The following CLDN10 variants were observed in gnomAD, a reference collection of about 807,000 sequenced individuals.
CLDN10 encodes claudin-10.
A neutral mutation model predicts 22.9 loss-of-function variants in CLDN10; 15 were observed. That is an observed-to-expected ratio of 0.65 (90% confidence interval 0.44 to 1.01). CLDN10 has a LOEUF of 1.01. Ranked by LOEUF, CLDN10 falls within the 50% of genes least tolerant of loss-of-function variation. CLDN10 has a pLI of 0.00. For missense variants in CLDN10, 247 were observed against 287.8 expected (o/e 0.86, Z 1.03); for synonymous variants, 114 against 111.4 (o/e 1.02, Z -0.15).
At chr13:95,563,965 T>C (rs895892733) in intron 3 of CLDN10, among the ~76,000 whole-genome samples, 1 of 152,268 alleles carries the variant, frequency 6.6e-6, no homozygotes, top group African/African-American at 2.4e-5. Flanking sequence ...TTATTTTGGC[T>C]TATTCTAGGG....
chr13:95,551,321 C>T (rs1375583073), upstream of CLDN10, among the ~76,000 whole-genome samples: 1 of 152,180 alleles, frequency 6.6e-6, no homozygotes, highest in Non-Finnish European at 1.5e-5. Flanking sequence ...GATACGTTGC[C>T]ATGCACTGAA....
intron 1 of CLDN10, among the ~76,000 whole-genome samples, chr13:95,526,487 C>G (rs768018251): frequency 6.6e-6 from 1 of 152,190 alleles, no homozygotes; most frequent in Non-Finnish European, 1.5e-5. Flanking sequence ...TGTCCATTCT[C>G]TAGAGATGGA....
chr13:95,498,992 A>C (rs1345917840), intron 1 of CLDN10, among the ~76,000 whole-genome samples: 1 of 152,176 alleles, frequency 6.6e-6, no homozygotes, highest in Non-Finnish European at 1.5e-5. Context: ...TCCTTTTGTG[A>C]CTGGCTTTTC....
chr13:95,450,038 G>A (rs1484672403), intron 1 of CLDN10, among the ~76,000 whole-genome samples: 4 of 152,156 alleles, frequency 2.6e-5, no homozygotes, highest in South Asian at 2.1e-4. Context: ...CACCACGCCC[G>A]GCCTTAAAAT....
intron 1 of CLDN10, among the ~76,000 whole-genome samples, chr13:95,485,176 G>C (rs2042792842): frequency 6.6e-6 from 1 of 152,084 alleles, no homozygotes; most frequent in Non-Finnish European, 1.5e-5. Context: ...AGGCTTTGTA[G>C]TAACAAGAGG....
chr13:95,551,257 G>A (rs1340552190), upstream of CLDN10, among the ~76,000 whole-genome samples: 1 of 152,138 alleles, frequency 6.6e-6, no homozygotes, highest in African/African-American at 2.4e-5. Flanking sequence ...GGGCTCAATA[G>A]GAAGAAAAGC....
Position 95,535,860 on chromosome 13 carries a change from G to A in CLDN10, c.215-24272G>A, listed in dbSNP as rs565496370. On this transcript the variant is annotated intron_variant, in intron 1 of 4. Coordinates refer to the CLDN10 transcript ENST00000376873. Reference sequence around the variant, plus strand: ...AGGCAAGAATGGGGCTATGGAAGCCGAAAGAATAAAGTATTTCACAAAGAA... The same window carrying A: ...AGGCAAGAATGGGGCTATGGAAGCCAAAAGAATAAAGTATTTCACAAAGAA... Among the ~76,000 whole-genome samples, 20 of 152,270 alleles carry A rather than the reference G, an allele frequency of 1.3e-4. 1 individual carries two copies. The highest frequency in any genetic ancestry group is 5.8e-4 in the East Asian group (3 of 5,170).
chr13:95,532,792 C>CAAAAAAAAAAAAAAAAAAAAAAAAAAAAA (rs57500288), intron 1 of CLDN10, among the ~76,000 whole-genome samples: 1 of 62,022 alleles, frequency 1.6e-5, no homozygotes, highest in Non-Finnish European at 2.8e-5. Flanking sequence ...CTCAATTCAG[C>CAAAAAAAAAAAAAAAAAAAAAAAAAAAAA]AAAAAAAAAA....
intron 1 of CLDN10, among the ~76,000 whole-genome samples, chr13:95,446,995 A>G (rs1245626630): frequency 2.6e-5 from 4 of 152,142 alleles, no homozygotes; most frequent in Non-Finnish European, 5.9e-5. Context: ...CACAGAGCCG[A>G]GTGATGGCGG....
At chr13:95,467,084 A>G (rs1232270866) in intron 1 of CLDN10, among the ~76,000 whole-genome samples, 2 of 149,874 alleles carry the variant, frequency 1.3e-5, no homozygotes, top group African/African-American at 2.5e-5. Context: ...TCACCATGTT[A>G]GCCAGGATGG....
chr13:95,551,926 T>A (rs994977723), upstream of CLDN10, among the ~76,000 whole-genome samples: 3 of 152,182 alleles, frequency 2.0e-5, no homozygotes, highest in African/African-American at 7.2e-5. Flanking sequence ...TTGACTGGGA[T>A]AACAGCATCC....
intron 3 of CLDN10, among the ~76,000 whole-genome samples, chr13:95,563,132 C>CTCTCTCTCTCTCTG (rs1359208916): frequency 6.3e-5 from 9 of 142,158 alleles, no homozygotes; most frequent in African/African-American, 2.1e-4. Flanking sequence ...CTCTCTCTCT[C>CTCTCTCTCTCTCTG]TCTGTCTGTA....
chr13:95,442,496 G>A (rs968783398), intron 1 of CLDN10, among the ~76,000 whole-genome samples: 7 of 152,198 alleles, frequency 4.6e-5, no homozygotes, highest in Non-Finnish European at 8.8e-5. Context: ...TATAAGGCAA[G>A]ACCACCTTGC....
At chr13:95,501,225 G>A (rs555329083) in intron 1 of CLDN10, among the ~76,000 whole-genome samples, 14 of 152,184 alleles carry the variant, frequency 9.2e-5, no homozygotes, top group Admixed American at 2.6e-4. Context: ...TGTGGATCAG[G>A]CTGTTCTTGA....
intron 1 of CLDN10, 126 bp from the exon 2 acceptor site, chr13:95,560,006 C>T: frequency 1.1e-6 from 1 of 901,476 alleles, no homozygotes; most frequent in Non-Finnish European, 1.7e-6. Context: ...CTTGTCTTGC[C>T]ACATGTTTTC....
At chr13:95,569,829 T>C (rs2043832231) in intron 3 of CLDN10, among the ~76,000 whole-genome samples, 1 of 151,826 alleles carries the variant, frequency 6.6e-6, no homozygotes, top group Non-Finnish European at 1.5e-5. Flanking sequence ...AGTGCAGTGG[T>C]GAGATCTCGG....
intron 1 of CLDN10, among the ~76,000 whole-genome samples, chr13:95,543,169 T>C (rs1440887912): frequency 6.6e-6 from 1 of 152,112 alleles, no homozygotes. Context: ...GAGGCAGAGG[T>C]TACGGTGAGT....
At chr13:95,532,175 T>A (rs1443106993) in intron 1 of CLDN10, among the ~76,000 whole-genome samples, 1 of 152,136 alleles carries the variant, frequency 6.6e-6, no homozygotes, top group Non-Finnish European at 1.5e-5. Context: ...TTAGACATCA[T>A]CAACATTTAA....
chr13:95,501,045 T>G (rs1241589279), intron 1 of CLDN10, among the ~76,000 whole-genome samples: 1 of 152,016 alleles, frequency 6.6e-6, no homozygotes, highest in Non-Finnish European at 1.5e-5. Flanking sequence ...TACAGAGTAT[T>G]ACTCTGTCAC....
Sources: gnomAD v4.1 joint callset for allele counts (sites outside exome capture counted in the v4.1 genomes callset) on GRCh38, gnomAD v4.1.1 for gene constraint, MANE v1.5 for transcripts, NCBI Gene and HGNC (gene_info 2026-07-23, HGNC 2026-07-21) for gene names.